Variants in NEUROD2 observed in about 807,000 individuals in gnomAD.
The protein encoded by NEUROD2 is neuronal differentiation 2.
In NEUROD2, 5 loss-of-function variants were observed where a neutral mutation model predicts 9.3. The observed-to-expected ratio is 0.54, with a 90% CI of 0.28 to 1.13. The LOEUF is 1.13. NEUROD2 is among the 50% of genes most tolerant of loss of function. NEUROD2 has a pLI of 0.10. For synonymous variants in NEUROD2, 277 were observed against 257.3 expected, an observed-to-expected ratio of 1.08 and a Z score of -0.73; for missense variants, 376 against 549.2, an observed-to-expected ratio of 0.68 and a Z score of 3.15.
Position 39,606,700 on chromosome 17 carries a change from C to G in NEUROD2, c.-5-96G>C. 7.7e-7 allele frequency: 1 copy of G among 1,291,692 alleles called. No homozygotes were observed. The highest frequency in any genetic ancestry group is 1.0e-6 in the Non-Finnish European group (1 of 983,586). 80.0% of individuals were successfully genotyped at this position (1,291,692 alleles called of 1,614,324 possible). ...CCCCCCCACAACCCTCCTCCACCCC[C>G]GAGTCTCGTGCGGGCTCCTGCCTAG... On this transcript the variant is annotated intron_variant, in intron 1 of 1. Coordinates refer to ENST00000302584, the MANE Select transcript of NEUROD2 (RefSeq NM_006160.4). The surrounding 1 kb of genome is among the most constrained non-coding windows in gnomAD (Gnocchi z 7.8).
At position 39,603,953 on chromosome 17, in the gene NEUROD2, T is replaced by C. The variant is rs926106790; in HGVS notation, c.*1498A>G. ...GGATTGCATTTTTGCATCGTGTATT[T>C]GGATGCCTGATCCCCTGCCTCCGGT... On this transcript the variant is annotated 3_prime_UTR_variant, in exon 2 of 2. Coordinates refer to ENST00000302584, the MANE Select transcript of NEUROD2 (RefSeq NM_006160.4). The C allele has an allele frequency of 2.0e-5, 3 of 152,722 alleles. No homozygotes were observed. Among genetic ancestry groups the C allele is most frequent in the Non-Finnish European group, 4.4e-5 (3 of 68,036 alleles). The allele number at this position is 152,722 out of a possible 1,614,324, so 9.5% of individuals were successfully genotyped here. A position where few individuals can be genotyped will look rare whatever the true frequency, so the allele number is the denominator to read the frequency against.
At position 39,605,572 on chromosome 17, in the gene NEUROD2, A is replaced by G; in HGVS notation, c.1028T>C (p.Val343Ala). The change falls in exon 2 of 2, where the codon GTC (valine) becomes GCC (alanine). Residue 343 changes from valine (V) to alanine (A), a missense_variant. Transcript: ENST00000302584. The surrounding 1 kb of genome is among the most constrained non-coding windows in gnomAD (Gnocchi z 6.8). ...PGSRPTGHGLVFGSSAVRGGV... is the reference protein window; with the variant it reads ...PGSRPTGHGLAFGSSAVRGGV... ...CCCGCGCACAGCCGACGAGCCGAAG[A>G]CTAGCCCGTGGCCCGTGGGCCGCGA... The G allele has an allele frequency of 1.2e-6, 2 of 1,613,816 alleles. No individual in the cohort carries two copies. The highest frequency in any genetic ancestry group is 1.1e-5 in the South Asian group (1 of 91,072).
chr17:39,605,933 C>T lies in NEUROD2; in HGVS notation c.667G>A (p.Gly223Ser), dbSNP rs1218093438. 3.1e-6 allele frequency: 5 copies of T among 1,611,514 alleles called. No individual in the cohort carries two copies. The African/African-American group carries it at 4.0e-5, about 13-fold the overall frequency. Reference protein sequence around the residue: ...RNFLTEQGADGAGRFHGSGGP... With the variant: ...RNFLTEQGADSAGRFHGSGGP... ...CCCGAGCCGTGGAAGCGGCCGGCAC[C>T]GTCGGCGCCTTGCTCCGTGAGGAAG... The change falls in exon 2 of 2, where the codon GGT (glycine) becomes AGT (serine). Residue 223 changes from glycine (G) to serine (S), a missense_variant. Gly to Ser is a moderately conservative substitution (Grantham distance 56). Transcript: ENST00000302584. This position sits in a 1 kb window ranked among gnomAD's most constrained non-coding sequence, Gnocchi z 6.8.
At position 39,604,294 on chromosome 17, in the gene NEUROD2, CGT is replaced by C. The variant is rs756876521; in HGVS notation, c.*1155_*1156del. The C allele has an allele frequency of 2.7e-4, 41 of 152,680 alleles. No individual in the cohort carries two copies. The highest frequency in any genetic ancestry group is 4.1e-4 in the Non-Finnish European group (28 of 68,036). 9.5% of individuals were successfully genotyped at this position (152,680 alleles called of 1,614,324 possible). A position where few individuals can be genotyped will look rare whatever the true frequency, so the allele number is the denominator to read the frequency against. On this transcript the variant is annotated 3_prime_UTR_variant, in exon 2 of 2. Coordinates refer to ENST00000302584, the MANE Select transcript of NEUROD2 (RefSeq NM_006160.4). ...CTGCTTGTGCGTGCGGTGTGGTGTG[CGT>C]GTGTCTTTCATGCAAACCCTCCCTC...
In NEUROD2 at chr17:39,605,729, T is replaced by A; in HGVS notation, c.871A>T (p.Asn291Tyr). ...AGCGGGCCCTCGTACTCGGAGCTGT[T>A]GTAGTCCGGGCTCGCGCCGCCACCG... is the stretch of plus-strand genomic sequence containing the variant. The part of the protein sequence containing the change: ...AGGGGASPDY[N>Y]SSEYEGPLSP... Residue 291 changes from asparagine to tyrosine, a missense_variant, in exon 2 of 2, where the codon AAC becomes TAC. Physicochemically the swap from Asn to Tyr is moderately radical, Grantham distance 143 (BLOSUM62 -2). Around this residue, in one of 3 missense-constraint regions of NEUROD2, gnomAD observed 193 missense variants for 255.8 expected, o/e 0.75. Coordinates refer to ENST00000302584, the MANE Select transcript of NEUROD2 (RefSeq NM_006160.4). This position sits in a 1 kb window ranked among gnomAD's most constrained non-coding sequence, Gnocchi z 6.8. 6.5e-7 allele frequency: 1 copy of A among 1,549,172 alleles called. No homozygotes were observed. Among genetic ancestry groups the A allele is most frequent in the Non-Finnish European group, 8.7e-7 (1 of 1,148,836 alleles).
At chr17:39,607,690 C>A in intron 1 of NEUROD2, 38 bp downstream of exon 1, 2 of 981,346 alleles carry the variant, frequency 2.0e-6, no homozygotes, top group African/African-American at 1.7e-5. Flanking sequence ...CTCCTCCCAA[C>A]CGGCGGGTCA....
In NEUROD2 at chr17:39,605,608, G is replaced by T; in HGVS notation, c.992C>A (p.Ala331Glu). The T allele has an allele frequency of 6.2e-7, 1 of 1,613,722 alleles. No individual in the cohort carries two copies. Among genetic ancestry groups the T allele is most frequent in the Non-Finnish European group, 8.5e-7 (1 of 1,179,850 alleles). ...GCCCGTGGGCCGCGAACCGGGCAGCGCCGAGTAGTGCATAGAGTAGTGGTA... is the reference window on the plus strand; with the variant it reads ...GCCCGTGGGCCGCGAACCGGGCAGCTCCGAGTAGTGCATAGAGTAGTGGTA... ...KSYHYSMHYS[A>E]LPGSRPTGHG... Residue 331 changes from alanine to glutamate, a missense_variant, in exon 2 of 2, where the codon GCG becomes GAG. Around this residue, in one of 3 missense-constraint regions of NEUROD2, gnomAD observed 193 missense variants for 255.8 expected, o/e 0.75. Coordinates refer to ENST00000302584, the MANE Select transcript of NEUROD2 (RefSeq NM_006160.4). The surrounding 1 kb of genome is among the most constrained non-coding windows in gnomAD (Gnocchi z 6.8).
Position 39,606,545 on chromosome 17 carries a change from C to A in NEUROD2, c.55G>T (p.Ala19Ser), listed in dbSNP as rs1223930100. 8 of 1,582,612 alleles carry A rather than the reference C, an allele frequency of 5.1e-6. No homozygotes were observed. In the East Asian group the frequency reaches 1.2e-4, roughly 23 times the overall value. ...TCGTCTTCGCCGTCGCCCCAGCTGG[C>A]GAACTTGGGCACGTCCGAGAGAAGG... ...PGLLSDVPKF[A>S]SWGDGEDDEP... The change falls in exon 2 of 2, where the codon GCC (alanine) becomes TCC (serine). Residue 19 changes from alanine to serine, a missense_variant. Transcript: ENST00000302584. The surrounding 1 kb of genome is among the most constrained non-coding windows in gnomAD (Gnocchi z 7.8).
In NEUROD2 at chr17:39,605,842, G is replaced by T. The variant is rs770550795; in HGVS notation, c.758C>A (p.Ala253Glu). The T allele has an allele frequency of 6.8e-7, 1 of 1,460,628 alleles. No homozygotes were observed. The highest frequency in any genetic ancestry group is 9.0e-7 in the Non-Finnish European group (1 of 1,112,520). The allele number at this position is 1,460,628 out of a possible 1,614,324, so 90.5% of individuals were successfully genotyped here. A position where few individuals can be genotyped will look rare whatever the true frequency, so the allele number is the denominator to read the frequency against. The change falls in exon 2 of 2, where the codon GCG becomes GAG. Residue 253 changes from alanine (A) to glutamate (E), a missense_variant. Around this residue, in one of 3 missense-constraint regions of NEUROD2, gnomAD observed 193 missense variants for 255.8 expected, o/e 0.75. Transcript: ENST00000302584. The surrounding 1 kb of genome is among the most constrained non-coding windows in gnomAD (Gnocchi z 6.8). ...CSRLAGAQCQ[A>E]AGGLGGGAAH... ...CGCGCCGCCGCCCAGGCCGCCGGCC[G>T]CCTGGCACTGTGCGCCCGCCAGGCG... is the stretch of plus-strand genomic sequence containing the variant.
At position 39,605,770 on chromosome 17, in the gene NEUROD2, A is replaced by G; in HGVS notation, c.830T>C (p.Leu277Pro). 2 of 1,464,634 alleles carry G rather than the reference A, an allele frequency of 1.4e-6. No individual in the cohort carries two copies. Among genetic ancestry groups the G allele is most frequent in the South Asian group, 1.4e-5 (1 of 71,712 alleles). The allele number at this position is 1,464,634 out of a possible 1,614,324, so 90.7% of individuals were successfully genotyped here. ...THGYCAAYET[L>P]YAAAGGGGAS... ...GCCGCCACCGCCTGCCGCCGCATAC[A>G]GCGTCTCGTAGGCGGCGCAGTAGCC... The change falls in exon 2 of 2, where the codon CTG becomes CCG. Residue 277 changes from leucine (L) to proline (P), a missense_variant. By Grantham distance (98) the Leu-to-Pro change is moderately conservative (BLOSUM62 -3). This residue lies in a region of NEUROD2 where 193 missense variants were observed against 255.8 expected (regional missense o/e 0.75). Transcript: ENST00000302584. This position sits in a 1 kb window ranked among gnomAD's most constrained non-coding sequence, Gnocchi z 6.8.
chr17:39,605,373 G>T lies in NEUROD2; in HGVS notation c.*78C>A. On this transcript the variant is annotated 3_prime_UTR_variant, in exon 2 of 2. Transcript: ENST00000302584. The surrounding 1 kb of genome is among the most constrained non-coding windows in gnomAD (Gnocchi z 6.8). ...GCGCCCGGCGCCGGGGTAGGATGGGGGTGTCCCTGCGCTCTGGGGGCTGGG... is the reference window on the plus strand; with the variant it reads ...GCGCCCGGCGCCGGGGTAGGATGGGTGTGTCCCTGCGCTCTGGGGGCTGGG... 2 of 1,446,640 alleles carry T rather than the reference G, an allele frequency of 1.4e-6. No homozygotes were observed. The highest frequency in any genetic ancestry group is 2.6e-5 in the East Asian group (1 of 39,190). 89.6% of individuals were successfully genotyped at this position (1,446,640 alleles called of 1,614,324 possible).
Position 39,606,012 on chromosome 17 carries a change from C to G in NEUROD2, c.588G>C (p.Leu196=). 6.2e-7 allele frequency: 1 copy of G among 1,614,032 alleles called. No individual in the cohort carries two copies. The highest frequency in any genetic ancestry group is 8.5e-7 in the Non-Finnish European group (1 of 1,179,968). The part of the protein sequence containing the change: ...VSYVQTLCKG[L]SQPTTNLVAG... The stretch of plus-strand genomic sequence containing the variant: ...CCACCAGATTGGTGGTGGGCTGCGA[C>G]AGACCCTTGCACAGAGTCTGCACGT... Residue 196 remains leucine, a synonymous_variant, in exon 2 of 2, where the codon CTG becomes CTC. Transcript: ENST00000302584. The surrounding 1 kb of genome is among the most constrained non-coding windows in gnomAD (Gnocchi z 7.8).
chr17:39,606,454 G>A lies in NEUROD2; in HGVS notation c.146C>T (p.Pro49Leu), dbSNP rs1414300453. 2 of 1,525,032 alleles carry A rather than the reference G, an allele frequency of 1.3e-6. No individual in the cohort carries two copies. The highest frequency in any genetic ancestry group is 1.8e-6 in the Non-Finnish European group (2 of 1,141,812). 94.5% of individuals were successfully genotyped at this position (1,525,032 alleles called of 1,614,324 possible). A position where few individuals can be genotyped will look rare whatever the true frequency, so the allele number is the denominator to read the frequency against. Reference protein sequence around the residue: ...PPPPAPGPGAPGPARAAKPVP... With the variant: ...PPPPAPGPGALGPARAAKPVP... ...TGGCTTGGCCGCCCGGGCTGGCCCC[G>A]GAGCCCCTGGCCCGGGCGCAGGCGG... is the stretch of plus-strand genomic sequence containing the variant. The change falls in exon 2 of 2, where the codon CCG (proline) becomes CTG (leucine). Residue 49 changes from proline (P) to leucine (L), a missense_variant. This residue lies in a region of NEUROD2 where 134 missense variants were observed against 133.6 expected (regional missense o/e 1.00). Transcript: ENST00000302584. This position sits in a 1 kb window ranked among gnomAD's most constrained non-coding sequence, Gnocchi z 7.8.
At position 39,604,011 on chromosome 17, in the gene NEUROD2, G is replaced by T. The variant is rs548779036; in HGVS notation, c.*1440C>A. On this transcript the variant is annotated 3_prime_UTR_variant, in exon 2 of 2. Transcript: ENST00000302584. ...GGGTCTCCTTTTGCCCCTTTTTGGG[G>T]GAACCTCCAGTAGGAGCCCTCAGAC... 1 of 152,742 alleles carries T rather than the reference G, an allele frequency of 6.5e-6. No homozygotes were observed. The highest frequency in any genetic ancestry group is 1.5e-5 in the Non-Finnish European group (1 of 68,006). 9.5% of individuals were successfully genotyped at this position (152,742 alleles called of 1,614,324 possible).
Position 39,605,794 on chromosome 17 carries a change from C to A in NEUROD2, c.806G>T (p.Gly269Val). The change falls in exon 2 of 2, where the codon GGC becomes GTC. Residue 269 changes from glycine to valine, a missense_variant. Gly to Val is a moderately radical substitution (Grantham distance 109). This residue lies in a region of NEUROD2 where 193 missense variants were observed against 255.8 expected (regional missense o/e 0.75). Coordinates refer to ENST00000302584, the MANE Select transcript of NEUROD2 (RefSeq NM_006160.4). This position sits in a 1 kb window ranked among gnomAD's most constrained non-coding sequence, Gnocchi z 6.8. ...GGAAHALRTH[G>V]YCAAYETLYA... ...CAGCGTCTCGTAGGCGGCGCAGTAG[C>A]CGTGGGTCCGCAGGGCGTGCGCCGC... 7.1e-7 allele frequency: 1 copy of A among 1,399,334 alleles called. No homozygotes were observed. Among genetic ancestry groups the A allele is most frequent in the Non-Finnish European group, 9.2e-7 (1 of 1,082,618 alleles). The allele number at this position is 1,399,334 out of a possible 1,614,324, so 86.7% of individuals were successfully genotyped here. A position where few individuals can be genotyped will look rare whatever the true frequency, so the allele number is the denominator to read the frequency against.
At position 39,607,725 on chromosome 17, in the gene NEUROD2, T is replaced by G; in HGVS notation, c.-6+3A>C. 1 of 501,186 alleles carries G rather than the reference T, an allele frequency of 2.0e-6. No individual in the cohort carries two copies. Among genetic ancestry groups the G allele is most frequent in the Non-Finnish European group, 2.5e-6 (1 of 395,466 alleles). 31.0% of individuals were successfully genotyped at this position (501,186 alleles called of 1,614,324 possible). A position where few individuals can be genotyped will look rare whatever the true frequency, so the allele number is the denominator to read the frequency against. ...AGATCTCGCTCCCTTTCGGACAACT[T>G]ACCTCGGAGAGGAGTCAAGGGGAGA... On this transcript the variant is annotated splice_donor_region_variant and intron_variant, in intron 1 of 1. Coordinates refer to ENST00000302584, the MANE Select transcript of NEUROD2 (RefSeq NM_006160.4).
Position 39,606,711 on chromosome 17 carries a change from C to A in NEUROD2, c.-5-107G>T. 2 of 1,218,366 alleles carry A rather than the reference C, an allele frequency of 1.6e-6. No homozygotes were observed. Among genetic ancestry groups the A allele is most frequent in the Non-Finnish European group, 2.2e-6 (2 of 918,744 alleles). 75.5% of individuals were successfully genotyped at this position (1,218,366 alleles called of 1,614,324 possible). A position where few individuals can be genotyped will look rare whatever the true frequency, so the allele number is the denominator to read the frequency against. On this transcript the variant is annotated intron_variant, in intron 1 of 1. Transcript: ENST00000302584. This position sits in a 1 kb window ranked among gnomAD's most constrained non-coding sequence, Gnocchi z 7.8. The stretch of plus-strand genomic sequence containing the variant: ...CCCTCCTCCACCCCCGAGTCTCGTG[C>A]GGGCTCCTGCCTAGGCTACCCTGGA...
At chr17:39,607,672 T>A in intron 1 of NEUROD2, 56 bp downstream of exon 1, 3 of 979,686 alleles carry the variant, frequency 3.1e-6, no homozygotes, top group Non-Finnish European at 3.6e-6. Flanking sequence ...CGGCCGAAGC[T>A]GCCGCCCCTC....
rs570698382 is a variant in NEUROD2, at chr17:39,606,930, A to G, written c.-5-326T>C. On this transcript the variant is annotated intron_variant, in intron 1 of 1. Coordinates refer to ENST00000302584, the MANE Select transcript of NEUROD2 (RefSeq NM_006160.4). The surrounding 1 kb of genome is among the most constrained non-coding windows in gnomAD (Gnocchi z 7.8). ...CGGGTGGGGGTTTTAGGGACCAGATATCTTTGCCAGGGGAGGCGGCGCGCT... is the reference window on the plus strand; with the variant it reads ...CGGGTGGGGGTTTTAGGGACCAGATGTCTTTGCCAGGGGAGGCGGCGCGCT... 1.1e-3 allele frequency: 255 copies of G among 229,192 alleles called. 1 individual carries two copies. The highest frequency in any genetic ancestry group is 9.7e-4 in the Non-Finnish European group (114 of 117,840). 14.2% of individuals were successfully genotyped at this position (229,192 alleles called of 1,614,324 possible). A position where few individuals can be genotyped will look rare whatever the true frequency, so the allele number is the denominator to read the frequency against.
Sources: gnomAD v4.1 joint callset for allele counts on GRCh38, gnomAD v4.1.1 for gene constraint, gnomAD v4.1.1 regional missense constraint, Gnocchi (gnomAD v3.1) non-coding constraint, MANE v1.5 for transcripts, NCBI Gene and HGNC (gene_info 2026-07-23, HGNC 2026-07-21) for gene names.